Variants in SNTG2 observed in about 807,000 individuals in gnomAD.
SNTG2 encodes gamma-2-syntrophin.
In SNTG2, 74 loss-of-function variants were observed where a neutral mutation model predicts 70.9. That is an observed-to-expected ratio of 1.04 (90% confidence interval 0.86 to 1.27). The LOEUF is 1.27. Among genes scored for constraint, SNTG2 ranks in the 50% most tolerant of loss-of-function variants. The pLI is 0.00. For synonymous variants in SNTG2, 278 were observed against 273.8 expected, an observed-to-expected ratio of 1.02 and a Z score of -0.15; for missense variants, 717 against 690.7, an observed-to-expected ratio of 1.04 and a Z score of -0.43.
intron 1 of SNTG2, among the ~76,000 whole-genome samples, chr2:1,047,703 G>A (rs190833449): frequency 1.3e-5 from 2 of 152,340 alleles, no homozygotes; most frequent in Admixed American, 1.3e-4. Flanking sequence ...TGATTGGTGG[G>A]CTCTTGCTCA....
chr2:957,027 C>T (rs531897106), intron 1 of SNTG2, among the ~76,000 whole-genome samples: 1 of 152,280 alleles, frequency 6.6e-6, no homozygotes, highest in African/African-American at 2.4e-5. Context: ...TTATATTTTA[C>T]CAAATGGCTC....
chr2:1,244,485 A>C (rs1008141849), intron 11 of SNTG2, among the ~76,000 whole-genome samples: 1 of 152,054 alleles, frequency 6.6e-6, no homozygotes, highest in East Asian at 1.9e-4. Context: ...TCACGAGGGC[A>C]GGAGATTGAG....
intron 9 of SNTG2, among the ~76,000 whole-genome samples, chr2:1,232,346 C>T (rs745681456): frequency 1.8e-4 from 28 of 152,116 alleles, no homozygotes; most frequent in Non-Finnish European, 3.8e-4. Context: ...GTTGCCCAGG[C>T]CAGAGTGCAG....
chr2:1,100,932 C>T (rs762334601), intron 4 of SNTG2, among the ~76,000 whole-genome samples: 37 of 148,870 alleles, frequency 2.5e-4, no homozygotes, highest in Middle Eastern at 7.0e-3. Flanking sequence ...GGAGTGTGAA[C>T]GTGACCCTGG....
intron 7 of SNTG2, among the ~76,000 whole-genome samples, chr2:1,172,493 T>C (rs1285770434): frequency 6.6e-6 from 1 of 152,186 alleles, no homozygotes; most frequent in Non-Finnish European, 1.5e-5. Context: ...TCCCAGGACC[T>C]TGGAAACGGC....
At chr2:1,046,725 G>A (rs1446566516) in intron 1 of SNTG2, among the ~76,000 whole-genome samples, 10 of 152,100 alleles carry the variant, frequency 6.6e-5, no homozygotes, top group Admixed American at 6.5e-4. Flanking sequence ...TGAAAGGTCT[G>A]CTGTTAGCCT....
intron 15 of SNTG2, among the ~76,000 whole-genome samples, chr2:1,315,902 A>G (rs966177166): frequency 9.2e-5 from 14 of 152,076 alleles, no homozygotes; most frequent in African/African-American, 3.4e-4. Context: ...AAGCAGAAAA[A>G]GGAACAATGC....
intron 1 of SNTG2, among the ~76,000 whole-genome samples, chr2:962,220 C>A (rs532682677): frequency 6.6e-6 from 1 of 152,204 alleles, no homozygotes; most frequent in Non-Finnish European, 1.5e-5. Flanking sequence ...ACCACAGGCA[C>A]ATGCCACTAT....
At chr2:1,231,080 A>G (rs368568204) in intron 9 of SNTG2, among the ~76,000 whole-genome samples, 11 of 97,806 alleles carry the variant, frequency 1.1e-4, no homozygotes, top group African/African-American at 6.5e-4. Flanking sequence ...CGAAAGGTGA[A>G]TTACTTAGGA....
chr2:1,026,050 T>TA (rs1660466018), intron 1 of SNTG2, among the ~76,000 whole-genome samples: 1 of 152,236 alleles, frequency 6.6e-6, no homozygotes, highest in South Asian at 2.1e-4. Flanking sequence ...TTATAGAAGT[T>TA]AAAATGCATT....
At chr2:1,224,120 C>T (rs2148054613) in intron 9 of SNTG2, among the ~76,000 whole-genome samples, 1 of 152,282 alleles carries the variant, frequency 6.6e-6, no homozygotes, top group Middle Eastern at 3.4e-3. Flanking sequence ...AGGGCACAGA[C>T]CCCGTCAGGC....
Position 1,062,851 on chromosome 2 carries a change from AAT to A in SNTG2, c.73-20664_73-20663del, listed in dbSNP as rs530101365. ...GTGATGTATTATATAAAATGGAAAA[AAT>A]ATGTGTGTGTGCATACACACTCACA... On this transcript the variant is annotated intron_variant, in intron 1 of 16. Coordinates refer to ENST00000308624, the MANE Select transcript of SNTG2 (RefSeq NM_018968.4). Among the ~76,000 whole-genome samples, 22 of 152,360 alleles carry A rather than the reference AAT, an allele frequency of 1.4e-4. No homozygotes were observed. The East Asian group carries it at 4.2e-3, about 29-fold the overall frequency.
intron 11 of SNTG2, among the ~76,000 whole-genome samples, chr2:1,246,557 C>A (rs1276491943): frequency 6.6e-6 from 1 of 152,080 alleles, no homozygotes; most frequent in Non-Finnish European, 1.5e-5. Flanking sequence ...TGGTTGGGAT[C>A]TCTGTGATAA....
chr2:1,320,333 G>A (rs1417890817), intron 16 of SNTG2, among the ~76,000 whole-genome samples: 3 of 151,862 alleles, frequency 2.0e-5, no homozygotes, highest in Non-Finnish European at 4.4e-5. Context: ...ATGAGATCGA[G>A]ACCATCCTGG....
chr2:1,229,942 G>A (rs934867407), intron 9 of SNTG2, among the ~76,000 whole-genome samples: 39 of 152,186 alleles, frequency 2.6e-4, no homozygotes, highest in Middle Eastern at 3.2e-3. Flanking sequence ...GCCCGCAAGC[G>A]CCGCACGCAG....
chr2:1,291,022 C>T (rs1298819800), intron 14 of SNTG2, among the ~76,000 whole-genome samples: 1 of 152,152 alleles, frequency 6.6e-6, no homozygotes, highest in Non-Finnish European at 1.5e-5. Context: ...GTTGTATTTG[C>T]TTGTTTGTAT....
At chr2:1,278,307 C>T (rs895650961) in intron 14 of SNTG2, among the ~76,000 whole-genome samples, 7 of 151,020 alleles carry the variant, frequency 4.6e-5, no homozygotes, top group South Asian at 2.1e-4. Flanking sequence ...TGTCAGTTAC[C>T]GCACCAGGTT....
chr2:965,367 A>AGTCCTCCTCCTGGTCCCC, intron 1 of SNTG2, among the ~76,000 whole-genome samples: 2 of 106,330 alleles, frequency 1.9e-5, no homozygotes, highest in African/African-American at 4.7e-5. Context: ...CCTGGTCCCC[A>AGTCCTCCTCCTGGTCCCC]ATCCTCCTCC....
chr2:974,210 AC>A lies in SNTG2; in HGVS notation c.72+23144del, dbSNP rs575131343. Among the ~76,000 whole-genome samples the A allele has an allele frequency of 2.6e-3, 403 of 152,090 alleles. 3 individuals are homozygous for A. Among genetic ancestry groups the A allele is most frequent in the African/African-American group, 9.2e-3 (382 of 41,508 alleles). ...ATCCCCTTAGAAGTCACCTTCAGAG[AC>A]CACAAGCCTCACATCCTCCGAGGTG... On this transcript the variant is annotated intron_variant, in intron 1 of 16. Coordinates refer to ENST00000308624, the MANE Select transcript of SNTG2 (RefSeq NM_018968.4).
Sources: allele counts gnomAD v4.1 joint callset (sites outside exome capture counted in the v4.1 genomes callset), GRCh38; gene constraint gnomAD v4.1.1; transcripts MANE v1.5; gene names NCBI Gene and HGNC (gene_info 2026-07-23, HGNC 2026-07-21).